Variants in CLSTN2 observed in about 807,000 individuals in gnomAD.
The protein encoded by CLSTN2 is calsyntenin 2, also known as calsyntenin-2.
A neutral mutation model predicts 101.2 loss-of-function variants in CLSTN2; 48 were observed. That is an observed-to-expected ratio of 0.47 (90% CI 0.38 to 0.60). The LOEUF is 0.60. Among genes scored for constraint, CLSTN2 ranks in the 20% least tolerant of loss-of-function variants. CLSTN2 has a pLI of 0.00. For synonymous variants in CLSTN2, 481 were observed against 463.6 expected (o/e 1.04, Z -0.48); for missense variants, 1,160 against 1,238.2 (o/e 0.94, Z 0.95).
chr3:140,492,446 T>G (rs1262397734), intron 8 of CLSTN2, among the ~76,000 whole-genome samples: 1 of 152,206 alleles, frequency 6.6e-6, no homozygotes, highest in African/African-American at 2.4e-5. Context: ...CAATAAGACA[T>G]TATCCATGTC....
intron 2 of CLSTN2, among the ~76,000 whole-genome samples, chr3:140,339,065 C>T (rs145997654): frequency 3.5e-4 from 53 of 152,276 alleles, no homozygotes; most frequent in African/African-American, 1.2e-3. Flanking sequence ...TGCTGGCAGA[C>T]GTGACCCACA....
chr3:139,949,867 T>C (rs1245827321), intron 1 of CLSTN2, among the ~76,000 whole-genome samples: 1 of 152,202 alleles, frequency 6.6e-6, no homozygotes, highest in Admixed American at 6.5e-5. Flanking sequence ...TGTACAAGTT[T>C]TAAGTGGATA....
At chr3:140,433,707 C>T (rs1228297372) in intron 5 of CLSTN2, among the ~76,000 whole-genome samples, 2 of 152,174 alleles carry the variant, frequency 1.3e-5, no homozygotes, top group Admixed American at 6.5e-5. Context: ...CAGTACCTAT[C>T]GCAGAGGGTT....
intron 2 of CLSTN2, among the ~76,000 whole-genome samples, chr3:140,397,885 T>C (rs1327237362): frequency 2.0e-5 from 3 of 152,252 alleles, no homozygotes; most frequent in African/African-American, 7.2e-5. Flanking sequence ...TACTGGTTCA[T>C]TGTTAAGTGG....
At chr3:140,174,874 A>C (rs1359226737) in intron 1 of CLSTN2, among the ~76,000 whole-genome samples, 2 of 152,162 alleles carry the variant, frequency 1.3e-5, no homozygotes, top group Non-Finnish European at 2.9e-5. Flanking sequence ...CTGGGAACAA[A>C]AACTTATTGT....
At position 140,546,600 on chromosome 3, in the gene CLSTN2, C is replaced by T. The variant is rs773960349; in HGVS notation, c.1593C>T (p.Ser531=). ...SLTIRPGKME[S]QKVISCLQAC... The stretch of plus-strand genomic sequence containing the variant: ...CCATCCGCCCTGGCAAAATGGAAAG[C>T]CAGAAGGTGATCTCCTGCCTGCAGG... Residue 531 remains serine (S), a synonymous_variant, in exon 10 of 17, where the codon AGC becomes AGT. Coordinates refer to ENST00000458420, the MANE Select transcript of CLSTN2 (RefSeq NM_022131.3). 57 of 1,613,948 alleles carry T rather than the reference C, an allele frequency of 3.5e-5. No individual in the cohort carries two copies. The South Asian group carries it at 5.7e-4, about 16-fold the overall frequency.
At chr3:140,164,304 A>G (rs138450018) in intron 1 of CLSTN2, among the ~76,000 whole-genome samples, 7 of 152,164 alleles carry the variant, frequency 4.6e-5, no homozygotes, top group South Asian at 2.1e-4. Context: ...CATCCTACCA[A>G]TGGATTAGTT....
At chr3:140,240,275 CATATATACAT>C (rs2086454051) in intron 2 of CLSTN2, among the ~76,000 whole-genome samples, 1 of 56,544 alleles carries the variant, frequency 1.8e-5, no homozygotes, top group South Asian at 8.5e-4. Context: ...CATATATACA[CATATATACAT>C]ATATACACAT....
chr3:140,426,068 G>C (rs2088562374), intron 5 of CLSTN2, among the ~76,000 whole-genome samples: 1 of 152,168 alleles, frequency 6.6e-6, no homozygotes, highest in African/African-American at 2.4e-5. Context: ...GCTAATGACA[G>C]GCTTGCATCC....
At chr3:140,446,681 C>G (rs1380652360) in intron 5 of CLSTN2, among the ~76,000 whole-genome samples, 1 of 152,154 alleles carries the variant, frequency 6.6e-6, no homozygotes, top group Non-Finnish European at 1.5e-5. Flanking sequence ...ATAACCTGCT[C>G]AAGAACTTCC....
intron 15 of CLSTN2, 102 bp from the exon 16 acceptor site, chr3:140,563,858 AG>A: frequency 1.7e-6 from 2 of 1,163,050 alleles, no homozygotes; most frequent in Non-Finnish European, 1.3e-6. Context: ...GGGAAGTGGT[AG>A]GGCAGACTTT....
At chr3:140,060,999 C>A (rs931504794) in intron 1 of CLSTN2, among the ~76,000 whole-genome samples, 3 of 152,098 alleles carry the variant, frequency 2.0e-5, no homozygotes, top group African/African-American at 4.8e-5. Flanking sequence ...AGGGTCAGAG[C>A]GCTGGCAGAG....
chr3:139,968,054 T>C (rs527904776), intron 1 of CLSTN2, among the ~76,000 whole-genome samples: 7 of 152,238 alleles, frequency 4.6e-5, no homozygotes, highest in Non-Finnish European at 8.8e-5. Flanking sequence ...AATCAAAATA[T>C]CTAATAATTG....
intron 1 of CLSTN2, among the ~76,000 whole-genome samples, chr3:140,059,492 G>A (rs1163475139): frequency 6.6e-6 from 1 of 152,132 alleles, no homozygotes; most frequent in Non-Finnish European, 1.5e-5. Context: ...ACTAAAGAGA[G>A]CTACATGGAG....
intron 1 of CLSTN2, among the ~76,000 whole-genome samples, chr3:140,161,681 C>G (rs913025474): frequency 6.6e-6 from 1 of 152,092 alleles, no homozygotes; most frequent in Non-Finnish European, 1.5e-5. Flanking sequence ...CTTTCTTTCT[C>G]TCCCCTCCTA....
intron 6 of CLSTN2, among the ~76,000 whole-genome samples, chr3:140,451,140 A>G (rs1298529753): frequency 1.3e-5 from 2 of 152,172 alleles, no homozygotes; most frequent in East Asian, 3.9e-4. Flanking sequence ...GTTAGTTAGC[A>G]TCGTTTCCTA....
intron 1 of CLSTN2, among the ~76,000 whole-genome samples, chr3:139,991,323 A>T (rs2036519281): frequency 6.6e-6 from 1 of 152,276 alleles, no homozygotes. Context: ...ATAAAATGCT[A>T]ATTGGATATA....
In CLSTN2 at chr3:140,045,733, G is replaced by A. The variant is rs982511254; in HGVS notation, c.109+110250G>A. Reference sequence around the variant, plus strand: ...GTATGTTGTGTCTTTGTTCTCATTGGTTTCAAAGAACATCTTTATTTCTGC... The same window carrying A: ...GTATGTTGTGTCTTTGTTCTCATTGATTTCAAAGAACATCTTTATTTCTGC... On this transcript the variant is annotated intron_variant, in intron 1 of 16. Transcript: ENST00000458420. Among the ~76,000 whole-genome samples the A allele has an allele frequency of 1.2e-4, 19 of 152,154 alleles. 1 individual carries two copies. The highest frequency in any genetic ancestry group is 3.2e-3 in the Middle Eastern group (1 of 316).
At chr3:140,245,195 T>C (rs1327976136) in intron 2 of CLSTN2, among the ~76,000 whole-genome samples, 2 of 152,354 alleles carry the variant, frequency 1.3e-5, no homozygotes, top group African/African-American at 2.4e-5. Flanking sequence ...CAGGGCTTAG[T>C]AGGTATTGAA....
Sources: allele counts gnomAD v4.1 joint callset (sites outside exome capture counted in the v4.1 genomes callset), GRCh38; gene constraint gnomAD v4.1.1; transcripts MANE v1.5; gene names NCBI Gene and HGNC (gene_info 2026-07-23, HGNC 2026-07-21).